NEBL: variants seen among roughly 807,000 people sequenced by gnomAD.
NEBL encodes the protein LIM and SH3 protein 2.
A neutral mutation model predicts 140.2 loss-of-function variants in NEBL; 122 were observed. The ratio of observed to expected loss-of-function variants is 0.87; its 90% CI spans 0.75 to 1.01. The LOEUF is 1.01. NEBL is among the 50% of genes least tolerant of loss of function. The pLI is 0.00. For missense variants in NEBL, 1,365 were observed against 1,231.3 expected, an observed-to-expected ratio of 1.11 and a Z score of -1.62; for synonymous variants, 436 against 398.9, an observed-to-expected ratio of 1.09 and a Z score of -1.11.
chr10:20,873,359 CA>C (rs954269450), intron 5 of NEBL, among the ~76,000 whole-genome samples: 2 of 152,106 alleles, frequency 1.3e-5, no homozygotes, highest in African/African-American at 4.8e-5. Context: ...AAGAAATCAT[CA>C]ACTCAGCAGA....
chr10:21,287,084 G>T (rs1433687292), intron 1 of NEBL, among the ~76,000 whole-genome samples: 4 of 152,138 alleles, frequency 2.6e-5, no homozygotes. Context: ...GGTTCCAGAA[G>T]CTGAAAATCC....
intron 1 of NEBL, among the ~76,000 whole-genome samples, chr10:21,288,443 G>A (rs968681447): frequency 3.3e-5 from 5 of 151,772 alleles, no homozygotes; most frequent in African/African-American, 1.2e-4. Flanking sequence ...ACTCCAGCTT[G>A]GGTGACACAG....
intron 2 of NEBL, among the ~76,000 whole-genome samples, chr10:21,151,326 C>T (rs1400725124): frequency 6.6e-6 from 1 of 152,154 alleles, no homozygotes; most frequent in East Asian, 1.9e-4. Context: ...CCAGGGGGTC[C>T]AACTCCCTCA....
At chr10:21,017,577 A>G (rs1163612731) in intron 3 of NEBL, among the ~76,000 whole-genome samples, 1 of 152,184 alleles carries the variant, frequency 6.6e-6, no homozygotes, top group Non-Finnish European at 1.5e-5. Context: ...GGCCATTCAT[A>G]AAACAGTGAC....
intron 5 of NEBL, among the ~76,000 whole-genome samples, chr10:20,870,065 G>A (rs1177280430): frequency 2.0e-5 from 3 of 151,630 alleles, no homozygotes; most frequent in Non-Finnish European, 4.4e-5. Flanking sequence ...AGTGGCTCAC[G>A]TCTGTAATCC....
At chr10:20,975,413 A>G (rs754553282) in intron 3 of NEBL, among the ~76,000 whole-genome samples, 2 of 152,078 alleles carry the variant, frequency 1.3e-5, no homozygotes, top group Non-Finnish European at 2.9e-5. Context: ...AGAAACAGCA[A>G]TAAGTTGGCA....
intron 2 of NEBL, among the ~76,000 whole-genome samples, chr10:21,133,067 A>T (rs1231084226): frequency 6.6e-6 from 1 of 152,142 alleles, no homozygotes; most frequent in Non-Finnish European, 1.5e-5. Context: ...AGTCACAAAG[A>T]TTTACTCTGT....
chr10:21,013,226 A>G (rs1193512781), intron 3 of NEBL, among the ~76,000 whole-genome samples: 1 of 152,172 alleles, frequency 6.6e-6, no homozygotes, highest in Non-Finnish European at 1.5e-5. Flanking sequence ...TCCCCTTTGA[A>G]GTTCTCATTC....
chr10:20,946,974 G>A (rs1721380911), intron 4 of NEBL, among the ~76,000 whole-genome samples: 1 of 151,948 alleles, frequency 6.6e-6, no homozygotes, highest in African/African-American at 2.4e-5. Context: ...GAAACTGACT[G>A]ACTCCAAAGA....
At chr10:20,866,918 G>T (rs1844353101) in intron 7 of NEBL, among the ~76,000 whole-genome samples, 1 of 151,738 alleles carries the variant, frequency 6.6e-6, no homozygotes, top group Non-Finnish European at 1.5e-5. Flanking sequence ...TTTCATTCAT[G>T]GTAAGAACAA....
upstream of NEBL, chr10:20,897,338 T>G (rs1212693472): frequency 8.8e-6 from 13 of 1,477,656 alleles, no homozygotes; most frequent in African/African-American, 1.6e-4. Flanking sequence ...CAGCCCTATT[T>G]AGCCCACACT....
chr10:21,008,866 G>A (rs1395492693), intron 3 of NEBL, among the ~76,000 whole-genome samples: 2 of 151,766 alleles, frequency 1.3e-5, no homozygotes, highest in African/African-American at 4.8e-5. Context: ...GGTGTCTACT[G>A]TATGCATATT....
At chr10:21,142,166 G>T (rs911278322) in intron 2 of NEBL, among the ~76,000 whole-genome samples, 1 of 152,050 alleles carries the variant, frequency 6.6e-6, no homozygotes, top group Non-Finnish European at 1.5e-5. Flanking sequence ...ATTCACTCTT[G>T]GTGGTATTCC....
At chr10:21,146,466 C>T (rs1430819692) in intron 2 of NEBL, 3 of 1,613,778 alleles carry the variant, frequency 1.9e-6, no homozygotes, top group Admixed American at 3.3e-5. Context: ...ATTTCAGGTG[C>T]CATGCTTTCC....
At chr10:20,941,986 T>C (rs1834895282) in intron 4 of NEBL, among the ~76,000 whole-genome samples, 2 of 152,250 alleles carry the variant, frequency 1.3e-5, no homozygotes, top group East Asian at 3.9e-4. Context: ...GTAGGAAGAA[T>C]CAATATTGTG....
chr10:20,820,466 T>C (rs193278372), intron 19 of NEBL, among the ~76,000 whole-genome samples: 2 of 152,360 alleles, frequency 1.3e-5, no homozygotes, highest in East Asian at 3.8e-4. Flanking sequence ...TTTTAGACTT[T>C]AAAGCTCAGG....
rs538160048 is a variant in NEBL at position 21,237,497 on chromosome 10, G to A, written n.348+10424C>T. 8.2e-4 allele frequency among the ~76,000 whole-genome samples: 124 copies of A among 151,056 alleles called. 1 individual carries two copies. Among genetic ancestry groups the A allele is most frequent in the African/African-American group, 2.7e-3 (111 of 41,206 alleles). On this transcript the variant is annotated intron_variant and non_coding_transcript_variant, in intron 3 of 8. Coordinates refer to the NEBL transcript ENST00000675702. Reference sequence around the variant, plus strand: ...TGGGATTACAGGCATGAGCCACTGCGCCCTGCCTAATATGACATCTTTCAT... The same window carrying A: ...TGGGATTACAGGCATGAGCCACTGCACCCTGCCTAATATGACATCTTTCAT...
At chr10:20,996,637 C>G (rs1190377989) in intron 3 of NEBL, among the ~76,000 whole-genome samples, 1 of 152,214 alleles carries the variant, frequency 6.6e-6, no homozygotes, top group Non-Finnish European at 1.5e-5. Context: ...AAAACCCTCA[C>G]TCTTTCCTTC....
upstream of NEBL, among the ~76,000 whole-genome samples, chr10:20,901,321 C>T (rs1273992018): frequency 6.6e-6 from 1 of 152,100 alleles, no homozygotes; most frequent in Non-Finnish European, 1.5e-5. Context: ...TAATTCAAGT[C>T]TCAGAGACAC....
Sources: allele counts gnomAD v4.1 joint callset (sites outside exome capture counted in the v4.1 genomes callset), GRCh38; gene constraint gnomAD v4.1.1; transcripts MANE v1.5; gene names NCBI Gene and HGNC (gene_info 2026-07-23, HGNC 2026-07-21).